The following CALN1 variants were observed in gnomAD, a reference collection of about 807,000 sequenced individuals.
The protein encoded by CALN1 is calneuron 1, also known as calcium-binding protein 8.
CALN1 carries 17 observed loss-of-function variants against 30.6 expected under a neutral mutation model. That is an observed-to-expected ratio of 0.56 (90% CI 0.38 to 0.83). The LOEUF is 0.83. CALN1 is among the 40% of genes least tolerant of loss of function. The pLI is 0.00. For missense variants in CALN1, 291 were observed against 354.9 expected (o/e 0.82, Z 1.45); for synonymous variants, 156 against 131.4 (o/e 1.19, Z -1.28).
chr7:72,470,405 A>T, the CALN1 span, among the ~76,000 whole-genome samples: 1 of 151,970 alleles, frequency 6.6e-6, no homozygotes, highest in South Asian at 2.1e-4. Flanking sequence ...GCCTGGATGT[A>T]CCCCCAGTAA....
chr7:71,997,636 C>A (rs1278071053), intron 5 of CALN1, among the ~76,000 whole-genome samples: 5 of 152,012 alleles, frequency 3.3e-5, no homozygotes, highest in African/African-American at 1.2e-4. Flanking sequence ...AATTGAACTT[C>A]TGATGATAAC....
chr7:72,198,526 T>A (rs1435493860), intron 3 of CALN1, among the ~76,000 whole-genome samples: 1 of 152,136 alleles, frequency 6.6e-6, no homozygotes, highest in Non-Finnish European at 1.5e-5. Flanking sequence ...TCCAAGTATA[T>A]TATACATAGA....
At chr7:72,399,138 C>T (rs879931780) in intron 2 of CALN1, among the ~76,000 whole-genome samples, 4 of 152,072 alleles carry the variant, frequency 2.6e-5, no homozygotes, top group Non-Finnish European at 2.9e-5. Context: ...AAGACAGGAG[C>T]GGACAATCTA....
At chr7:71,961,076 C>A (rs988494309) in intron 5 of CALN1, among the ~76,000 whole-genome samples, 2 of 152,196 alleles carry the variant, frequency 1.3e-5, no homozygotes, top group African/African-American at 2.4e-5. Context: ...CTTGGCCTCC[C>A]AAAGTGCTGG....
chr7:72,450,345 A>G (rs1238167557), upstream of CALN1, among the ~76,000 whole-genome samples: 1 of 152,178 alleles, frequency 6.6e-6, no homozygotes, highest in Non-Finnish European at 1.5e-5. Flanking sequence ...ATGAGGTTGT[A>G]AGTGGGGGAT....
At chr7:72,322,424 G>A (rs1442011462) in intron 2 of CALN1, among the ~76,000 whole-genome samples, 1 of 152,160 alleles carries the variant, frequency 6.6e-6, no homozygotes, top group African/African-American at 2.4e-5. Context: ...ACAGGCCATG[G>A]ACCAGTCAGT....
intron 5 of CALN1, among the ~76,000 whole-genome samples, chr7:71,967,639 A>AAAAAAAAAAAAG (rs555970609): frequency 1.4e-5 from 2 of 142,654 alleles, no homozygotes; most frequent in Non-Finnish European, 1.5e-5. Flanking sequence ...AAAAAAAAAA[A>AAAAAAAAAAAAG]AAAGAAAGAA....
chr7:72,310,613 G>A lies in CALN1; in HGVS notation c.120-31803C>T, dbSNP rs367900305. 1.8e-4 allele frequency among the ~76,000 whole-genome samples: 28 copies of A among 151,952 alleles called. No homozygotes were observed. The South Asian group carries it at 5.4e-3, about 29-fold the overall frequency. On this transcript the variant is annotated intron_variant, in intron 2 of 6. Coordinates refer to ENST00000395275, the MANE Select transcript of CALN1 (RefSeq NM_031468.4). ...CATCTGGTGACATCTACATCAAAAC[G>A]TAAGAGCAGGCCAGGCATGGTGGCT...
chr7:71,793,759 C>T (rs1404199313), intron 6 of CALN1, among the ~76,000 whole-genome samples: 1 of 152,020 alleles, frequency 6.6e-6, no homozygotes, highest in African/African-American at 2.4e-5. Context: ...GCCTGTAATC[C>T]CCGCTACTCG....
At chr7:72,045,346 AG>A (rs1252461296) in intron 4 of CALN1, among the ~76,000 whole-genome samples, 7 of 152,184 alleles carry the variant, frequency 4.6e-5, no homozygotes, top group Admixed American at 2.0e-4. Context: ...TTGGATTACT[AG>A]GAAGTCTGGC....
At chr7:72,171,189 C>A (rs928161591) in intron 3 of CALN1, among the ~76,000 whole-genome samples, 4 of 152,058 alleles carry the variant, frequency 2.6e-5, no homozygotes, top group African/African-American at 9.7e-5. Context: ...TTCACAGAGT[C>A]AAAATTAGGT....
At chr7:71,968,037 T>TA (rs1797614626) in intron 5 of CALN1, among the ~76,000 whole-genome samples, 1 of 152,166 alleles carries the variant, frequency 6.6e-6, no homozygotes, top group African/African-American at 2.4e-5. Flanking sequence ...ACCTAGGTAT[T>TA]TACTTGAGAG....
At position 71,786,023 on chromosome 7, in the gene CALN1, A is replaced by C. The variant is rs1792966122; in HGVS notation, c.*1752T>G. 1 of 152,596 alleles carries C rather than the reference A, an allele frequency of 6.6e-6. No individual in the cohort carries two copies. Among genetic ancestry groups the C allele is most frequent in the Non-Finnish European group, 1.5e-5 (1 of 68,052 alleles). 9.5% of individuals were successfully genotyped at this position (152,596 alleles called of 1,614,324 possible). ...TTACTTGTGCTCATCAGGAATATTC[A>C]TAGTCTCCCACAGAGGGAAAGTTTC... On this transcript the variant is annotated 3_prime_UTR_variant, in exon 7 of 7. Coordinates refer to ENST00000395275, the MANE Select transcript of CALN1 (RefSeq NM_031468.4).
chr7:72,458,917 T>C, the CALN1 span, among the ~76,000 whole-genome samples: 2 of 146,794 alleles, frequency 1.4e-5, no homozygotes, highest in Admixed American at 1.4e-4. Flanking sequence ...TTTGTTTGTT[T>C]GTTTTTGTTT....
intron 5 of CALN1, among the ~76,000 whole-genome samples, chr7:71,996,003 T>G (rs1295968406): frequency 6.6e-6 from 1 of 152,124 alleles, no homozygotes; most frequent in African/African-American, 2.4e-5. Flanking sequence ...GAAAATCTTT[T>G]CTGCCCCGTC....
At chr7:72,184,942 TCAA>T (rs1319156833) in intron 3 of CALN1, among the ~76,000 whole-genome samples, 1 of 151,940 alleles carries the variant, frequency 6.6e-6, no homozygotes, top group East Asian at 1.9e-4. Context: ...CAGGTGCACA[TCAA>T]CAAGCCCGGC....
At chr7:71,789,903 C>T (rs1423011545) in intron 6 of CALN1, among the ~76,000 whole-genome samples, 1 of 151,902 alleles carries the variant, frequency 6.6e-6, no homozygotes, top group Non-Finnish European at 1.5e-5. Flanking sequence ...TGAGACCAGC[C>T]TGGGTAACAT....
intron 5 of CALN1, among the ~76,000 whole-genome samples, chr7:71,858,192 T>C (rs1791063702): frequency 6.6e-6 from 1 of 152,286 alleles, no homozygotes; most frequent in South Asian, 2.1e-4. Flanking sequence ...GGGATGGTTT[T>C]GTAAATGGCT....
chr7:71,996,396 C>G (rs1016586480), intron 5 of CALN1, among the ~76,000 whole-genome samples: 2 of 152,130 alleles, frequency 1.3e-5, no homozygotes, highest in African/African-American at 4.8e-5. Flanking sequence ...TTAAAGAAAC[C>G]ATCATGCCCC....
Sources: gnomAD v4.1 joint callset for allele counts (sites outside exome capture counted in the v4.1 genomes callset) on GRCh38, gnomAD v4.1.1 for gene constraint, MANE v1.5 for transcripts, NCBI Gene and HGNC (gene_info 2026-07-23, HGNC 2026-07-21) for gene names.